HIP1: variants seen among roughly 807,000 people sequenced by gnomAD.
HIP1 encodes the protein huntingtin-interacting protein 1.
In HIP1, 65 loss-of-function variants were observed where a neutral mutation model predicts 147.6. The observed-to-expected ratio is 0.44, with a 90% CI of 0.36 to 0.54. The LOEUF is 0.54. Among genes scored for constraint, HIP1 ranks in the 20% least tolerant of loss-of-function variants. HIP1 has a pLI of 0.00. For synonymous variants in HIP1, 479 were observed against 504.0 expected (o/e 0.95, Z 0.67); for missense variants, 1,061 against 1,299.6 (o/e 0.82, Z 2.82).
At chr7:75,655,518 G>A (rs879972465) in intron 1 of HIP1, among the ~76,000 whole-genome samples, 3 of 151,876 alleles carry the variant, frequency 2.0e-5, no homozygotes, top group Non-Finnish European at 4.4e-5. Flanking sequence ...GGAAGCGGAG[G>A]TTGTAGTGAG....
rs572102941 is a variant in HIP1 at position 75,703,413 on chromosome 7, G to A, written c.120+35388C>T. 1.7e-4 allele frequency among the ~76,000 whole-genome samples: 26 copies of A among 152,268 alleles called. No individual in the cohort carries two copies. In the Middle Eastern group the frequency reaches 0.01, roughly 60 times the overall value. On this transcript the variant is annotated intron_variant, in intron 1 of 30. Coordinates refer to ENST00000336926, the MANE Select transcript of HIP1 (RefSeq NM_005338.7). ...AATCCCAGCACTTCGGGAAGCCGAG[G>A]CAGGCAGATCACCCGAGGTCGGGAG...
chr7:75,630,778 C>A (rs1798186087), intron 1 of HIP1, among the ~76,000 whole-genome samples: 1 of 152,172 alleles, frequency 6.6e-6, no homozygotes, highest in Admixed American at 6.6e-5. Context: ...ACTAACAGGT[C>A]TGATTGCCCC....
chr7:75,564,891 C>T (rs1224858766), intron 9 of HIP1, among the ~76,000 whole-genome samples: 2 of 152,016 alleles, frequency 1.3e-5, no homozygotes, highest in African/African-American at 4.8e-5. Context: ...AGCCACCATG[C>T]TTGGCCTGTT....
In HIP1 at chr7:75,554,506, T is replaced by G; in HGVS notation, c.1984A>C (p.Thr662Pro). 1 of 1,613,812 alleles carries G rather than the reference T, an allele frequency of 6.2e-7. No individual in the cohort carries two copies. Among genetic ancestry groups the G allele is most frequent in the Non-Finnish European group, 8.5e-7 (1 of 1,179,856 alleles). Reference sequence around the variant, plus strand: ...TGCTCGATGCAGCTGGAAATGGATGTGACCGTGGAGAGGAGGTGATCTGTG... The same window carrying G: ...TGCTCGATGCAGCTGGAAATGGATGGGACCGTGGAGAGGAGGTGATCTGTG... ...GSADHLLSTV[T>P]SISSCIEQLE... The change falls in exon 20 of 31, where the codon ACA becomes CCA. Residue 662 changes from threonine to proline, a missense_variant. Thr to Pro is a conservative substitution (Grantham distance 38). This residue lies in a region of HIP1 where 810 missense variants were observed against 946.8 expected (regional missense o/e 0.86). Transcript: ENST00000336926.
chr7:75,721,152 G>T (rs968280291), intron 1 of HIP1, among the ~76,000 whole-genome samples: 6 of 152,204 alleles, frequency 3.9e-5, no homozygotes, highest in Non-Finnish European at 5.9e-5. Context: ...CAAAGCGGGT[G>T]GATCACTTGA....
chr7:75,554,128 G>A lies in HIP1; in HGVS notation c.2143C>T (p.Pro715Ser). Residue 715 changes from proline to serine, a missense_variant, in exon 21 of 31, where the codon CCT becomes TCT. Coordinates refer to ENST00000336926, the MANE Select transcript of HIP1 (RefSeq NM_005338.7). ...CGGTACTCACAGTCGGCAGGCTCAG[G>A]TGGGGCTCTGAGGCAGGTGGTGGCA... ...HGATTCLRAP[P>S]EPADSLTEAC... is the part of the protein sequence containing the mutation. The A allele has an allele frequency of 6.2e-7, 1 of 1,613,736 alleles. No individual in the cohort carries two copies. The highest frequency in any genetic ancestry group is 8.5e-7 in the Non-Finnish European group (1 of 1,179,760).
intron 2 of HIP1, among the ~76,000 whole-genome samples, chr7:75,595,232 C>CTTTCTTTCTT (rs1796663873): frequency 9.0e-6 from 1 of 110,974 alleles, no homozygotes; most frequent in Admixed American, 9.4e-5. Flanking sequence ...TTCTTTCTTT[C>CTTTCTTTCTT]TTTCTTTCTT....
At chr7:75,615,552 C>T (rs1443443392) in intron 1 of HIP1, among the ~76,000 whole-genome samples, 6 of 151,782 alleles carry the variant, frequency 4.0e-5, no homozygotes, top group Non-Finnish European at 5.9e-5. Context: ...ACCCTGACTC[C>T]CCACCCTTAA....
At chr7:75,723,164 G>A (rs573275988) in intron 1 of HIP1, among the ~76,000 whole-genome samples, 3 of 152,104 alleles carry the variant, frequency 2.0e-5, no homozygotes, top group South Asian at 4.2e-4. Flanking sequence ...TCAGGAGTTC[G>A]AGACCAGCCT....
chr7:75,632,025 A>G (rs1798240124), intron 1 of HIP1, among the ~76,000 whole-genome samples: 1 of 152,214 alleles, frequency 6.6e-6, no homozygotes, highest in South Asian at 2.1e-4. Flanking sequence ...CCTGACCAGA[A>G]GTGCAACTCG....
At chr7:75,564,502 C>T (rs1795337936) in intron 9 of HIP1, among the ~76,000 whole-genome samples, 1 of 152,182 alleles carries the variant, frequency 6.6e-6, no homozygotes, top group South Asian at 2.1e-4. Context: ...CCATGTTGGT[C>T]AGGCTGGTTT....
intron 15 of HIP1, 127 bp downstream of exon 15, chr7:75,558,040 C>T (rs587717148): frequency 5.9e-5 from 45 of 767,064 alleles, no homozygotes; most frequent in Middle Eastern, 3.7e-4. Flanking sequence ...GTGTGGTTCC[C>T]GAGATGACGG....
At chr7:75,651,667 C>T (rs1206610332) in intron 1 of HIP1, among the ~76,000 whole-genome samples, 2 of 151,962 alleles carry the variant, frequency 1.3e-5, no homozygotes, top group African/African-American at 4.8e-5. Context: ...ACCCTGGCTG[C>T]AACACTTATT....
chr7:75,588,228 G>A (rs1300186978), intron 4 of HIP1, among the ~76,000 whole-genome samples: 1 of 152,134 alleles, frequency 6.6e-6, no homozygotes, highest in African/African-American at 2.4e-5. Flanking sequence ...GGAGGAACCT[G>A]CCTTCATTAC....
At chr7:75,570,059 A>G (rs1321586180) in intron 8 of HIP1, among the ~76,000 whole-genome samples, 3 of 150,876 alleles carry the variant, frequency 2.0e-5, no homozygotes, top group Non-Finnish European at 4.4e-5. Flanking sequence ...CTCAGCTCCC[A>G]AGCAGCTGGG....
intron 1 of HIP1, among the ~76,000 whole-genome samples, chr7:75,673,711 G>A (rs1563285326): frequency 6.6e-6 from 1 of 151,186 alleles, no homozygotes; most frequent in Non-Finnish European, 1.5e-5. Context: ...TGGGCCAGGT[G>A]CGGTGGCTCA....
chr7:75,557,387 A>G lies in HIP1; in HGVS notation c.1581+267T>C, dbSNP rs148491542. On this transcript the variant is annotated intron_variant, in intron 16 of 30. Transcript: ENST00000336926. The stretch of plus-strand genomic sequence containing the variant: ...GCTCATCCCTCTCTCTCTGCCACCC[A>G]TGTGTTTTCCTTTCCTCAAACTCTC... Among the ~76,000 whole-genome samples, 678 of 151,978 alleles carry G rather than the reference A, an allele frequency of 4.5e-3. 3 individuals carry two copies. Among genetic ancestry groups the G allele is most frequent in the Non-Finnish European group, 8.4e-3 (568 of 68,000 alleles).
intron 1 of HIP1, among the ~76,000 whole-genome samples, chr7:75,709,267 C>T (rs1370180430): frequency 2.0e-5 from 3 of 151,958 alleles, no homozygotes; most frequent in Non-Finnish European, 4.4e-5. Flanking sequence ...TGTACAACAC[C>T]ATGCCTGGTT....
Position 75,556,775 on chromosome 7 carries a change from G to A in HIP1, c.1618C>T (p.Gln540Ter). 1 of 1,613,548 alleles carries A rather than the reference G, an allele frequency of 6.2e-7. No homozygotes were observed. Among genetic ancestry groups the A allele is most frequent in the Non-Finnish European group, 8.5e-7 (1 of 1,179,548 alleles). ...TCCCGTTGGCTTGTGGCAAGTTCCT[G>A]CTTCAAGCTCTCTAGAACTTCCAGC... ...EQLEVLESLK[Q>*]ELATSQRELQ... The change falls in exon 17 of 31, where the codon CAG becomes TAG. Residue 540 changes from glutamine to a stop codon, truncating the protein, a stop_gained. Coordinates refer to ENST00000336926, the MANE Select transcript of HIP1 (RefSeq NM_005338.7). LOFTEE classifies it high-confidence loss of function.
Sources: gnomAD v4.1 joint callset for allele counts (sites outside exome capture counted in the v4.1 genomes callset) on GRCh38, gnomAD v4.1.1 for gene constraint, gnomAD v4.1.1 regional missense constraint, MANE v1.5 for transcripts, NCBI Gene and HGNC (gene_info 2026-07-23, HGNC 2026-07-21) for gene names.